The following CCDC83 variants were observed in gnomAD, a reference collection of about 807,000 sequenced individuals.
CCDC83 encodes coiled-coil domain containing 83.
A neutral mutation model predicts 50.1 loss-of-function variants in CCDC83; 54 were observed. The ratio of observed to expected loss-of-function variants is 1.08; its 90% CI spans 0.87 to 1.35. The LOEUF is 1.35. CCDC83 is among the 40% of genes most tolerant of loss of function. CCDC83 has a pLI of 0.00. For missense variants in CCDC83, 518 were observed against 473.9 expected, an observed-to-expected ratio of 1.09 and a Z score of -0.86; for synonymous variants, 161 against 153.3, an observed-to-expected ratio of 1.05 and a Z score of -0.37.
chr11:85,887,553 C>A (rs1195573089), intron 5 of CCDC83, among the ~76,000 whole-genome samples: 3 of 152,120 alleles, frequency 2.0e-5, no homozygotes, highest in African/African-American at 7.2e-5. Context: ...AAAGGTTCTT[C>A]TTCTGAAAAG....
intron 1 of CCDC83, among the ~76,000 whole-genome samples, chr11:85,856,471 A>G (rs1358307537): frequency 2.0e-5 from 3 of 151,984 alleles, no homozygotes; most frequent in African/African-American, 4.8e-5. Flanking sequence ...TAAGAGTGGG[A>G]AAAAAATGTA....
chr11:85,906,493 T>C (rs1565154010), intron 7 of CCDC83, among the ~76,000 whole-genome samples: 1 of 152,164 alleles, frequency 6.6e-6, no homozygotes, highest in Non-Finnish European at 1.5e-5. Context: ...AAGCCAGAAA[T>C]TATGTTTCTG....
intron 5 of CCDC83, among the ~76,000 whole-genome samples, chr11:85,895,013 A>G (rs1047179283): frequency 1.3e-5 from 2 of 152,158 alleles, no homozygotes; most frequent in Non-Finnish European, 2.9e-5. Flanking sequence ...CTAACTTATA[A>G]CCAGGTCTAT....
At chr11:85,893,235 A>G (rs2093358105) in intron 5 of CCDC83, among the ~76,000 whole-genome samples, 1 of 152,254 alleles carries the variant, frequency 6.6e-6, no homozygotes, top group East Asian at 1.9e-4. Flanking sequence ...CCAGGGATAC[A>G]GTAATGAAAA....
chr11:85,881,801 GCTTT>G (rs1323491099), intron 3 of CCDC83, among the ~76,000 whole-genome samples: 1 of 152,120 alleles, frequency 6.6e-6, no homozygotes, highest in African/African-American at 2.4e-5. Context: ...TTCTCTGACT[GCTTT>G]TAAGACTTTT....
intron 3 of CCDC83, among the ~76,000 whole-genome samples, chr11:85,882,265 C>T (rs79843754): frequency 0.048 from 7,264 of 152,158 alleles, 279 homozygotes; most frequent in South Asian, 0.095. Context: ...GAAACCTGGA[C>T]ATTTTTTTAA....
At chr11:85,893,548 C>T (rs2093359387) in intron 5 of CCDC83, among the ~76,000 whole-genome samples, 1 of 152,178 alleles carries the variant, frequency 6.6e-6, no homozygotes. Context: ...GGCCACAGGC[C>T]AAGATTAGTC....
chr11:85,917,160 G>GAA (rs1565159937), intron 10 of CCDC83, among the ~76,000 whole-genome samples: 1,148 of 96,746 alleles, frequency 0.012, 7 homozygotes, highest in Middle Eastern at 0.023. Context: ...GAGAGAGAGA[G>GAA]AGAGAGAGAA....
chr11:85,917,157 A>AGG (rs1565159887), intron 10 of CCDC83, among the ~76,000 whole-genome samples: 3 of 101,828 alleles, frequency 2.9e-5, no homozygotes, highest in Non-Finnish European at 2.1e-5. Context: ...AGAGAGAGAG[A>AGG]GAGAGAGAGA....
At chr11:85,868,804 G>T (rs1353847266) in intron 2 of CCDC83, among the ~76,000 whole-genome samples, 4 of 152,218 alleles carry the variant, frequency 2.6e-5, no homozygotes, top group Non-Finnish European at 5.9e-5. Context: ...GAGCCACTGC[G>T]CCCAGCCCAG....
At chr11:85,872,943 T>C (rs1293955839) in intron 2 of CCDC83, among the ~76,000 whole-genome samples, 1 of 152,000 alleles carries the variant, frequency 6.6e-6, no homozygotes, top group Non-Finnish European at 1.5e-5. Context: ...AAATTATTTA[T>C]AAACAATTAG....
intron 7 of CCDC83, among the ~76,000 whole-genome samples, chr11:85,901,184 T>C (rs1333339197): frequency 6.6e-6 from 1 of 152,058 alleles, no homozygotes; most frequent in Non-Finnish European, 1.5e-5. Flanking sequence ...CTAGGCAACA[T>C]GGTGAAACTC....
At chr11:85,887,659 C>CATATATATATAT (rs145805921) in intron 5 of CCDC83, among the ~76,000 whole-genome samples, 51 of 148,702 alleles carry the variant, frequency 3.4e-4, no homozygotes, top group Admixed American at 1.7e-3. Flanking sequence ...ATATTCTATG[C>CATATATATATAT]ATATATATAT....
At chr11:85,918,218 A>T (rs1229302105) in intron 10 of CCDC83, among the ~76,000 whole-genome samples, 1 of 152,222 alleles carries the variant, frequency 6.6e-6, no homozygotes, top group African/African-American at 2.4e-5. Context: ...AAGAAATGAA[A>T]TCTCAAATAT....
At chr11:85,890,363 T>A (rs2135062328) in intron 5 of CCDC83, among the ~76,000 whole-genome samples, 1 of 152,280 alleles carries the variant, frequency 6.6e-6, no homozygotes, top group Non-Finnish European at 1.5e-5. Flanking sequence ...AACAGTCATG[T>A]GAAATCTTGC....
intron 1 of CCDC83, among the ~76,000 whole-genome samples, chr11:85,856,669 A>G (rs1014856108): frequency 6.6e-6 from 1 of 152,240 alleles, no homozygotes; most frequent in Non-Finnish European, 1.5e-5. Context: ...GTACATCATC[A>G]GTCGTCCAAG....
At chr11:85,900,632 T>C (rs1377486646) in intron 7 of CCDC83, among the ~76,000 whole-genome samples, 1 of 152,174 alleles carries the variant, frequency 6.6e-6, no homozygotes, top group Admixed American at 6.5e-5. Flanking sequence ...CCACCAGGCA[T>C]TTGAGTACAT....
intron 8 of CCDC83, among the ~76,000 whole-genome samples, chr11:85,912,978 G>T (rs2093461866): frequency 6.6e-6 from 1 of 152,206 alleles, no homozygotes; most frequent in Admixed American, 6.5e-5. Flanking sequence ...ATGGGAGACT[G>T]AGAAACTTTT....
intron 7 of CCDC83, among the ~76,000 whole-genome samples, chr11:85,902,787 T>A (rs1045690594): frequency 3.3e-5 from 5 of 152,050 alleles, no homozygotes; most frequent in African/African-American, 1.2e-4. Context: ...CCAAGCACAC[T>A]CAAATCTGGC....
Sources: gnomAD v4.1 joint callset for allele counts (sites outside exome capture counted in the v4.1 genomes callset) on GRCh38, gnomAD v4.1.1 for gene constraint, MANE v1.5 for transcripts, NCBI Gene and HGNC (gene_info 2026-07-23, HGNC 2026-07-21) for gene names.